The following DGCR2 variants were observed in gnomAD, a reference collection of about 807,000 sequenced individuals.
DGCR2 encodes the protein integral membrane protein DGCR2/IDD.
Under a neutral mutation model 51.6 loss-of-function variants are expected in DGCR2, and 24 were observed. That is an observed-to-expected ratio of 0.47 (90% CI 0.34 to 0.65). The LOEUF (loss-of-function observed/expected upper bound fraction) is 0.65, where lower values mean the gene tolerates loss of function less well. Ranked by LOEUF, DGCR2 falls within the 30% of genes least tolerant of loss-of-function variation. The pLI is 0.01. For missense variants in DGCR2, 765 were observed against 772.1 expected, an observed-to-expected ratio of 0.99 and a Z score of 0.11; for synonymous variants, 340 against 315.4, an observed-to-expected ratio of 1.08 and a Z score of -0.82.
At chr22:19,114,062 GAAAAAAAA>G (rs55948025) in intron 1 of DGCR2, among the ~76,000 whole-genome samples, 32 of 80,988 alleles carry the variant, frequency 4.0e-4, no homozygotes, top group African/African-American at 4.7e-4. Flanking sequence ...TCCATTTGAG[GAAAAAAAA>G]AAAAAAAAAA....
At chr22:19,116,088 T>C (rs2083370670) in intron 1 of DGCR2, among the ~76,000 whole-genome samples, 2 of 152,310 alleles carry the variant, frequency 1.3e-5, no homozygotes, top group Admixed American at 6.5e-5. Flanking sequence ...GAGTGAGCAG[T>C]AGAACAGATT....
chr22:19,095,673 AAAAAC>A (rs1276879343), intron 1 of DGCR2, among the ~76,000 whole-genome samples: 2 of 152,024 alleles, frequency 1.3e-5, no homozygotes, highest in Non-Finnish European at 2.9e-5. Flanking sequence ...AAAAAAAAAA[AAAAAC>A]AACTCAAATT....
chr22:19,062,779 A>ACTCGCTCACTCTCTCTCTCTCTCTCT (rs2082688729), intron 5 of DGCR2, among the ~76,000 whole-genome samples: 1 of 127,354 alleles, frequency 7.9e-6, no homozygotes, highest in South Asian at 2.9e-4. Context: ...ATGCATGCTC[A>ACTCGCTCACTCTCTCTCTCTCTCTCT]CTCTCTCTCT....
rs527394430 is a variant in DGCR2, at chr22:19,067,638, G to A, written c.328+462C>T. ...ACCTGGAAGGCAGAGGTTTCAGTAA[G>A]CTGAGATTATGCCACTGCACTCCAG... is the stretch of plus-strand genomic sequence containing the variant. On this transcript the variant is annotated intron_variant, in intron 3 of 9. Transcript: ENST00000263196. 1.3e-4 allele frequency among the ~76,000 whole-genome samples: 20 copies of A among 152,230 alleles called. No homozygotes were observed. The South Asian group carries it at 3.7e-3, about 28-fold the overall frequency.
chr22:19,065,530 A>C (rs1334264443), intron 3 of DGCR2, among the ~76,000 whole-genome samples: 1 of 152,184 alleles, frequency 6.6e-6, no homozygotes, highest in Non-Finnish European at 1.5e-5. Context: ...CCACTAAAAC[A>C]GCAGCTCAAA....
At chr22:19,118,374 CAAAAAAAAAAAAAAA>C (rs923572855) in intron 1 of DGCR2, among the ~76,000 whole-genome samples, 8 of 56,766 alleles carry the variant, frequency 1.4e-4, no homozygotes, top group Non-Finnish European at 1.3e-4. Flanking sequence ...CCATCGCAAA[CAAAAAAAAAAAAAAA>C]AAAAAAAAAC....
chr22:19,054,227 G>GT (rs58700371), intron 6 of DGCR2, among the ~76,000 whole-genome samples: 35,661 of 152,126 alleles, frequency 0.23, 4,708 homozygotes, highest in African/African-American at 0.36. Context: ...AATACACACT[G>GT]AAGTATAAAA....
Position 19,038,391 on chromosome 22 carries a change from A to T in DGCR2, c.*474T>A, listed in dbSNP as rs1432894333. 3.1e-5 allele frequency: 5 copies of T among 163,158 alleles called. No homozygotes were observed. The highest frequency in any genetic ancestry group is 5.7e-5 in the Admixed American group (1 of 17,508). 10.1% of individuals were successfully genotyped at this position (163,158 alleles called of 1,614,324 possible). A position where few individuals can be genotyped will look rare whatever the true frequency, so the allele number is the denominator to read the frequency against. On this transcript the variant is annotated 3_prime_UTR_variant, in exon 10 of 10. Coordinates refer to ENST00000263196, the MANE Select transcript of DGCR2 (RefSeq NM_005137.3). ...CTGAAGCAGACCCACTGCCTACGCC[A>T]CACTGACGGTCCAGAGGCCCCCTCC...
rs1366805815 is a variant in DGCR2 at position 19,036,668 on chromosome 22, A to C, written c.*2197T>G. The C allele has an allele frequency of 6.6e-6, 1 of 152,258 alleles. No individual in the cohort carries two copies. Among genetic ancestry groups the C allele is most frequent in the East Asian group, 1.9e-4 (1 of 5,194 alleles). 9.4% of individuals were successfully genotyped at this position (152,258 alleles called of 1,614,324 possible). ...AAGGGCCTCCTGGAGCCACAGTGGC[A>C]GCGGTGTTCCAGGCAGCCCTGCCAT... On this transcript the variant is annotated 3_prime_UTR_variant, in exon 10 of 10. Coordinates refer to ENST00000263196, the MANE Select transcript of DGCR2 (RefSeq NM_005137.3).
chr22:19,052,303 C>G (rs1268680703), intron 6 of DGCR2, among the ~76,000 whole-genome samples: 1 of 152,048 alleles, frequency 6.6e-6, no homozygotes, highest in Non-Finnish European at 1.5e-5. Context: ...GTAATCCCAG[C>G]TACTCGGGAG....
intron 5 of DGCR2, chr22:19,061,180 C>G (rs2082658902): frequency 5.3e-6 from 1 of 189,892 alleles, no homozygotes. Context: ...AATGACCCCT[C>G]TGCTTTGCAC....
intron 1 of DGCR2, among the ~76,000 whole-genome samples, chr22:19,103,583 C>T (rs9605938): frequency 0.028 from 4,256 of 150,318 alleles, 154 homozygotes; most frequent in South Asian, 0.18. Flanking sequence ...CGCGCACCAT[C>T]ACGCCCGGCT....
At chr22:19,089,782 T>C (rs1224724472) in intron 1 of DGCR2, among the ~76,000 whole-genome samples, 2 of 152,238 alleles carry the variant, frequency 1.3e-5, no homozygotes, top group Non-Finnish European at 2.9e-5. Context: ...GGTTTTGCCA[T>C]GTTGGCCAGG....
Position 19,041,256 on chromosome 22 carries a change from C to G in DGCR2, c.1198G>C (p.Asp400His). The G allele has an allele frequency of 6.2e-7, 1 of 1,614,142 alleles. No homozygotes were observed. Among genetic ancestry groups the G allele is most frequent in the Non-Finnish European group, 8.5e-7 (1 of 1,180,014 alleles). Residue 400 changes from aspartate (D) to histidine (H), a missense_variant, in exon 9 of 10, where the codon GAT becomes CAT. Asp to His is a moderately conservative substitution (Grantham distance 81, BLOSUM62 -1). This residue lies in a region of DGCR2 where 190 missense variants were observed against 265.2 expected (regional missense o/e 0.72). Coordinates refer to ENST00000263196, the MANE Select transcript of DGCR2 (RefSeq NM_005137.3). The part of the protein sequence containing the change: ...FNLGRRIPGF[D>H]YGPDGFGTGL... ...GTGCCAAACCCGTCTGGGCCGTAAT[C>G]AAAGCCAGGGATCCTGCGGCCGAGG...
chr22:19,084,683 G>A (rs1312619077), intron 2 of DGCR2, among the ~76,000 whole-genome samples: 2 of 108,962 alleles, frequency 1.8e-5, no homozygotes, highest in South Asian at 3.5e-4. Flanking sequence ...GTCAGCCCCC[G>A]CCCGGCCAGC....
At chr22:19,103,739 T>TAA (rs34046451) in intron 1 of DGCR2, among the ~76,000 whole-genome samples, 19,116 of 78,408 alleles carry the variant, frequency 0.24, 2,203 homozygotes, top group Non-Finnish European at 0.29. Flanking sequence ...AAAAAATTCT[T>TAA]AAAAAAAAAA....
chr22:19,120,087 G>A (rs1020379609), intron 1 of DGCR2, among the ~76,000 whole-genome samples: 3 of 152,174 alleles, frequency 2.0e-5, no homozygotes, highest in Non-Finnish European at 4.4e-5. Flanking sequence ...GCACACACGG[G>A]CATACAAGGA....
chr22:19,099,189 TCAATTCCAGGACATGA>T (rs2083173169), intron 1 of DGCR2, among the ~76,000 whole-genome samples: 1 of 152,078 alleles, frequency 6.6e-6, no homozygotes, highest in African/African-American at 2.4e-5. Context: ...ACAAAGAAAG[TCAATTCCAGGACATGA>T]CAGAGCTTGC....
chr22:19,121,325 C>A (rs1193094110), intron 1 of DGCR2, among the ~76,000 whole-genome samples: 1 of 152,076 alleles, frequency 6.6e-6, no homozygotes, highest in Non-Finnish European at 1.5e-5. Flanking sequence ...AAATAACATT[C>A]GAAGGCTACT....
Sources: gnomAD v4.1 joint callset for allele counts (sites outside exome capture counted in the v4.1 genomes callset) on GRCh38, gnomAD v4.1.1 for gene constraint, gnomAD v4.1.1 regional missense constraint, MANE v1.5 for transcripts, NCBI Gene and HGNC (gene_info 2026-07-23, HGNC 2026-07-21) for gene names.